Variants in RIC8B observed in about 807,000 individuals in gnomAD.
RIC8B encodes RIC8 guanine nucleotide exchange factor B.
A neutral mutation model predicts 57.5 loss-of-function variants in RIC8B; 16 were observed. The ratio of observed to expected loss-of-function variants is 0.28; its 90% CI spans 0.19 to 0.42. The LOEUF (loss-of-function observed/expected upper bound fraction) is 0.42. Among genes scored for constraint, RIC8B ranks in the 10% least tolerant of loss-of-function variants. The pLI, the probability that RIC8B is intolerant of heterozygous loss-of-function variation, is 1.00. For synonymous variants in RIC8B, 216 were observed against 250.8 expected (o/e 0.86, Z 1.31); for missense variants, 481 against 677.0 (o/e 0.71, Z 3.21).
intron 9 of RIC8B, among the ~76,000 whole-genome samples, chr12:106,874,298 T>A (rs1307986387): frequency 6.6e-6 from 1 of 152,224 alleles, no homozygotes; most frequent in Non-Finnish European, 1.5e-5. Flanking sequence ...TAGGACGTTC[T>A]GCATTCAACC....
chr12:106,826,034 C>T (rs2046083765), intron 4 of RIC8B, among the ~76,000 whole-genome samples: 2 of 152,200 alleles, frequency 1.3e-5, no homozygotes, highest in South Asian at 4.2e-4. Flanking sequence ...TATTGAGGCT[C>T]AACAGGAGAA....
At chr12:106,785,007 G>A (rs1034443118) in intron 2 of RIC8B, among the ~76,000 whole-genome samples, 2 of 152,034 alleles carry the variant, frequency 1.3e-5, no homozygotes, top group African/African-American at 2.4e-5. Context: ...TAGTAGATTG[G>A]CATCCATAAA....
chr12:106,835,453 T>G (rs2046554451), intron 4 of RIC8B, among the ~76,000 whole-genome samples: 1 of 152,234 alleles, frequency 6.6e-6, no homozygotes, highest in African/African-American at 2.4e-5. Context: ...TTGTTGACAT[T>G]TACTATGTGC....
chr12:106,830,128 T>C (rs2046294202), intron 4 of RIC8B, among the ~76,000 whole-genome samples: 2 of 152,238 alleles, frequency 1.3e-5, no homozygotes, highest in Non-Finnish European at 2.9e-5. Flanking sequence ...TCCAGCTTTG[T>C]TCTTTTTCAA....
chr12:106,795,933 A>G (rs180829046), intron 2 of RIC8B, among the ~76,000 whole-genome samples: 7 of 152,344 alleles, frequency 4.6e-5, no homozygotes, highest in African/African-American at 1.7e-4. Context: ...AAGCCCTAGA[A>G]TAATGACTAA....
chr12:106,870,983 T>C, intron 9 of RIC8B, 41 bp downstream of exon 9: 14 of 1,535,034 alleles, frequency 9.1e-6, no homozygotes, highest in Non-Finnish European at 1.2e-5. Context: ...TTTCTAAAAA[T>C]GGTCTATTTC....
At chr12:106,847,632 C>G (rs1197426293) in intron 6 of RIC8B, among the ~76,000 whole-genome samples, 1 of 152,064 alleles carries the variant, frequency 6.6e-6, no homozygotes, top group African/African-American at 2.4e-5. Flanking sequence ...TCTCCCCTGC[C>G]TCTGATATCT....
chr12:106,828,412 G>A (rs764980105), intron 4 of RIC8B, among the ~76,000 whole-genome samples: 22 of 152,252 alleles, frequency 1.4e-4, no homozygotes, highest in Admixed American at 6.5e-5. Context: ...TTTTCTCTGT[G>A]TGTGTGTTTT....
chr12:106,835,125 A>G (rs2046537315), intron 4 of RIC8B, among the ~76,000 whole-genome samples: 1 of 150,964 alleles, frequency 6.6e-6, no homozygotes, highest in Non-Finnish European at 1.5e-5. Flanking sequence ...TTTACCCTCT[A>G]TTCATTCTTC....
chr12:106,856,368 C>T (rs1949716233), intron 7 of RIC8B, among the ~76,000 whole-genome samples: 1 of 152,190 alleles, frequency 6.6e-6, no homozygotes, highest in Non-Finnish European at 1.5e-5. Context: ...CACAGAGTCT[C>T]TGTGTAGTGT....
chr12:106,852,995 T>C (rs1949540859), intron 7 of RIC8B, among the ~76,000 whole-genome samples: 1 of 152,218 alleles, frequency 6.6e-6, no homozygotes, highest in Non-Finnish European at 1.5e-5. Context: ...TGTGTATCTA[T>C]TCATTTTAAA....
At chr12:106,808,170 A>G (rs1422824074) in intron 2 of RIC8B, among the ~76,000 whole-genome samples, 1 of 152,148 alleles carries the variant, frequency 6.6e-6, no homozygotes, top group East Asian at 1.9e-4. Flanking sequence ...ACAGTATAAC[A>G]ATTTACATAG....
chr12:106,844,600 A>G (rs1164029620), intron 6 of RIC8B, among the ~76,000 whole-genome samples: 1 of 152,182 alleles, frequency 6.6e-6, no homozygotes, highest in Non-Finnish European at 1.5e-5. Flanking sequence ...GAGTGTTTTA[A>G]GAGGGGAAGT....
At chr12:106,805,605 GC>G (rs1237181561) in intron 2 of RIC8B, among the ~76,000 whole-genome samples, 1 of 152,098 alleles carries the variant, frequency 6.6e-6, no homozygotes, top group Non-Finnish European at 1.5e-5. Context: ...CCACTTAACT[GC>G]CCTGCTTCTG....
chr12:106,885,833 G>T, intron 9 of RIC8B, 71 bp from the exon 10 acceptor site: 1 of 940,116 alleles, frequency 1.1e-6, no homozygotes, highest in South Asian at 1.5e-5. Flanking sequence ...GTGGATTTGG[G>T]TGGGGGGGAG....
chr12:106,860,453 C>CT, intron 8 of RIC8B, 41 bp downstream of exon 8: 1 of 1,372,170 alleles, frequency 7.3e-7, no homozygotes, highest in Non-Finnish European at 9.6e-7. Context: ...ATGGCTGTGC[C>CT]TTTGAGTTGG....
intron 9 of RIC8B, among the ~76,000 whole-genome samples, chr12:106,884,353 A>G (rs1951084391): frequency 6.6e-6 from 1 of 152,196 alleles, no homozygotes; most frequent in African/African-American, 2.4e-5. Flanking sequence ...TGAAGACATG[A>G]ACTCAGTGTG....
chr12:106,833,397 T>C (rs1212781591), intron 4 of RIC8B, among the ~76,000 whole-genome samples: 1 of 152,106 alleles, frequency 6.6e-6, no homozygotes. Context: ...AGGTCAGAAG[T>C]TCGAGACCAG....
chr12:106,795,319 A>G (rs2044430168), intron 2 of RIC8B, among the ~76,000 whole-genome samples: 1 of 152,158 alleles, frequency 6.6e-6, no homozygotes, highest in African/African-American at 2.4e-5. Flanking sequence ...ACGCCAAGAC[A>G]ATTTAGGACA....
Sources: gnomAD v4.1 joint callset for allele counts (sites outside exome capture counted in the v4.1 genomes callset) on GRCh38, gnomAD v4.1.1 for gene constraint, MANE v1.5 for transcripts, NCBI Gene and HGNC (gene_info 2026-07-23, HGNC 2026-07-21) for gene names.